The following KCNH1 variants were observed in gnomAD, a reference collection of about 807,000 sequenced individuals.
The protein encoded by KCNH1 is voltage-gated delayed rectifier potassium channel KCNH1.
KCNH1 carries 27 observed loss-of-function variants against 69.2 expected under a neutral mutation model. The ratio of observed to expected loss-of-function variants is 0.39; its 90% CI spans 0.29 to 0.54. The LOEUF is 0.54. KCNH1 is among the 20% of genes least tolerant of loss of function. The pLI is 0.68. For synonymous variants in KCNH1, 456 were observed against 487.7 expected (o/e 0.93, Z 0.86); for missense variants, 798 against 1,261.6 (o/e 0.63, Z 5.57).
At chr1:210,779,056 G>T (rs74156073) in intron 9 of KCNH1, among the ~76,000 whole-genome samples, 4,906 of 152,242 alleles carry the variant, frequency 0.032, 261 homozygotes, top group African/African-American at 0.11. Flanking sequence ...AAATAAATAA[G>T]TGCATCTGTA....
At chr1:211,031,973 C>T (rs1488653960) in intron 5 of KCNH1, among the ~76,000 whole-genome samples, 1 of 152,152 alleles carries the variant, frequency 6.6e-6, no homozygotes, top group Non-Finnish European at 1.5e-5. Flanking sequence ...GTCAAATTGT[C>T]CCTGTTTGCA....
At chr1:211,068,114 A>G (rs1690564561) in intron 5 of KCNH1, among the ~76,000 whole-genome samples, 1 of 152,252 alleles carries the variant, frequency 6.6e-6, no homozygotes, top group Non-Finnish European at 1.5e-5. Flanking sequence ...TGTGCAATCT[A>G]TTTAAATACA....
chr1:211,015,187 G>A (rs1011486696), intron 6 of KCNH1, among the ~76,000 whole-genome samples: 38 of 152,220 alleles, frequency 2.5e-4, no homozygotes, highest in African/African-American at 8.9e-4. Context: ...ACCAGACCCC[G>A]TGTCCAACTT....
At chr1:210,979,501 C>T (rs941089946) in intron 6 of KCNH1, among the ~76,000 whole-genome samples, 1 of 152,102 alleles carries the variant, frequency 6.6e-6, no homozygotes, top group South Asian at 2.1e-4. Flanking sequence ...TAACGTTGAA[C>T]ATTTTCTGGT....
intron 10 of KCNH1, among the ~76,000 whole-genome samples, chr1:210,734,822 G>A (rs12354080): frequency 0.023 from 3,539 of 152,242 alleles, 50 homozygotes; most frequent in Middle Eastern, 0.051. Flanking sequence ...CCATAAGGTT[G>A]TTTGAAGGAC....
intron 1 of KCNH1, among the ~76,000 whole-genome samples, chr1:211,111,515 A>C (rs1421420116): frequency 1.5e-5 from 2 of 136,338 alleles, no homozygotes; most frequent in Admixed American, 7.3e-5. Context: ...TGGCCGCCAA[A>C]CTGCTGGTAA....
chr1:210,915,315 A>G (rs1687312926), intron 7 of KCNH1, among the ~76,000 whole-genome samples: 1 of 152,186 alleles, frequency 6.6e-6, no homozygotes, highest in African/African-American at 2.4e-5. Flanking sequence ...GTTAGTCACC[A>G]AATCCTCAGC....
chr1:210,990,575 G>A (rs1431108548), intron 6 of KCNH1, among the ~76,000 whole-genome samples: 1 of 152,186 alleles, frequency 6.6e-6, no homozygotes, highest in African/African-American at 2.4e-5. Context: ...TGGAAAGGCA[G>A]CAGAGCCTGG....
intron 7 of KCNH1, among the ~76,000 whole-genome samples, chr1:210,880,712 G>C: frequency 6.6e-6 from 1 of 152,096 alleles, no homozygotes; most frequent in East Asian, 1.9e-4. Context: ...CACAAGAAAA[G>C]AAATAACGGA....
In KCNH1 at chr1:210,997,224, A is replaced by T. The variant is rs953794191; in HGVS notation, c.1032+21559T>A. On this transcript the variant is annotated intron_variant, in intron 6 of 10. Coordinates refer to ENST00000271751, the MANE Select transcript of KCNH1 (RefSeq NM_172362.3). ...CGATCAAACTACTCCGAGCTACAGG[A>T]GGAAATTCAAACCAATGGCAAACAA... 1.4e-4 allele frequency among the ~76,000 whole-genome samples: 22 copies of T among 152,350 alleles called. 1 individual carries two copies. The East Asian group carries it at 4.1e-3, about 28-fold the overall frequency.
chr1:210,889,918 T>G (rs999937942), intron 7 of KCNH1, among the ~76,000 whole-genome samples: 2 of 152,106 alleles, frequency 1.3e-5, no homozygotes, highest in Non-Finnish European at 1.5e-5. Context: ...GGAAGAATAT[T>G]CCATGCTCAT....
chr1:210,914,619 C>T (rs1687298519), intron 7 of KCNH1, among the ~76,000 whole-genome samples: 1 of 152,028 alleles, frequency 6.6e-6, no homozygotes. Context: ...TAGTGTGTGC[C>T]CAGTTGCTAT....
intron 6 of KCNH1, among the ~76,000 whole-genome samples, chr1:210,960,679 A>T (rs1688276003): frequency 6.6e-6 from 1 of 152,138 alleles, no homozygotes; most frequent in Non-Finnish European, 1.5e-5. Context: ...GGATGTTTGG[A>T]TTTTTCCCTT....
rs549357541 is a variant in KCNH1, at chr1:211,133,833, G to T, written c.79+34C>A. On this transcript the variant is annotated intron_variant, in intron 1 of 10. Coordinates refer to ENST00000271751, the MANE Select transcript of KCNH1 (RefSeq NM_172362.3). This position sits in a 1 kb window ranked among gnomAD's most constrained non-coding sequence, Gnocchi z 5.4. The stretch of plus-strand genomic sequence containing the variant: ...TCTGCAATAAAGGCACGGATAAAAC[G>T]CCCGGGTAATCGAAATCCGAATGCA... 281 of 1,585,310 alleles carry T rather than the reference G, an allele frequency of 1.8e-4. 4 individuals carry two copies. In the South Asian group the frequency reaches 2.5e-3, roughly 14 times the overall value.
intron 10 of KCNH1, among the ~76,000 whole-genome samples, chr1:210,743,728 C>T (rs1683087994): frequency 6.6e-6 from 1 of 152,216 alleles, no homozygotes; most frequent in Non-Finnish European, 1.5e-5. Context: ...AACTGTGAAG[C>T]AGAATCAGCA....
intron 7 of KCNH1, among the ~76,000 whole-genome samples, chr1:210,900,614 G>C (rs1686974961): frequency 6.6e-6 from 1 of 152,174 alleles, no homozygotes; most frequent in Admixed American, 6.5e-5. Context: ...TGCAGATTCA[G>C]TGCAATTAGC....
intron 10 of KCNH1, among the ~76,000 whole-genome samples, chr1:210,701,511 G>A (rs1204565090): frequency 6.6e-6 from 1 of 152,178 alleles, no homozygotes; most frequent in African/African-American, 2.4e-5. Context: ...TACCAACTTG[G>A]GATCAGACAG....
At chr1:210,708,743 C>T (rs1050201344) in intron 10 of KCNH1, among the ~76,000 whole-genome samples, 3 of 152,138 alleles carry the variant, frequency 2.0e-5, no homozygotes, top group African/African-American at 7.2e-5. Context: ...CCTGCTAGGA[C>T]AGTAAGTGTC....
chr1:210,998,484 C>G (rs1210949500), intron 6 of KCNH1, among the ~76,000 whole-genome samples: 2 of 152,220 alleles, frequency 1.3e-5, no homozygotes, highest in South Asian at 4.1e-4. Context: ...TATATGCATC[C>G]AACACAGGAG....
Sources: allele counts gnomAD v4.1 joint callset (sites outside exome capture counted in the v4.1 genomes callset), GRCh38; gene constraint gnomAD v4.1.1; non-coding constraint Gnocchi (gnomAD v3.1); transcripts MANE v1.5; gene names NCBI Gene and HGNC (gene_info 2026-07-23, HGNC 2026-07-21).